The following SHLD1 variants were observed in gnomAD, a reference collection of about 807,000 sequenced individuals.
SHLD1 encodes the protein shieldin complex subunit 1.
SHLD1 carries 3 observed loss-of-function variants against 5.5 expected under a neutral mutation model. That is an observed-to-expected ratio of 0.54 (90% CI 0.25 to 1.40). The LOEUF (loss-of-function observed/expected upper bound fraction) is 1.40. Among genes scored for constraint, SHLD1 ranks in the 40% most tolerant of loss-of-function variants. The pLI is 0.15. For missense variants in SHLD1, 210 were observed against 244.4 expected (o/e 0.86, Z 0.94); for synonymous variants, 92 against 94.3 (o/e 0.98, Z 0.14).
Position 5,790,511 on chromosome 20 carries a change from G to T in SHLD1, c.178+17468G>T, listed in dbSNP as rs539345526. Among the ~76,000 whole-genome samples the T allele has an allele frequency of 2.4e-3, 357 of 147,602 alleles. 3 individuals are homozygous for T. The highest frequency in any genetic ancestry group is 4.0e-3 in the Non-Finnish European group (269 of 67,260). On this transcript the variant is annotated intron_variant, in intron 2 of 2. Coordinates refer to ENST00000303142, the MANE Select transcript of SHLD1 (RefSeq NM_152504.4). The stretch of plus-strand genomic sequence containing the variant: ...TGTTTCACCGAGGCTGGAGTGCAAT[G>T]GTGCGATCTCGGCTCACTGCAAACT...
rs75840593 is a variant in SHLD1, at chr20:5,752,395, C to CA, written c.-5+1930dup. ...TGGATGACAGAGTGAGACTCCATCT[C>CA]AAAAAAAAAAAAAACAAAAAAGAGA... On this transcript the variant is annotated intron_variant, in intron 1 of 2. Coordinates refer to ENST00000303142, the MANE Select transcript of SHLD1 (RefSeq NM_152504.4). Among the ~76,000 whole-genome samples, 398 of 121,520 alleles carry CA rather than the reference C, an allele frequency of 3.3e-3. 1 individual carries two copies. The highest frequency in any genetic ancestry group is 4.7e-3 in the Non-Finnish European group (262 of 55,846). The allele number at this position is 121,520 out of a possible 152,430, so 79.7% of individuals were successfully genotyped here. A position where few individuals can be genotyped will look rare whatever the true frequency, so the allele number is the denominator to read the frequency against.
chr20:5,860,876 T>TAAAAAAAAA (rs10555301), intron 2 of SHLD1, among the ~76,000 whole-genome samples: 3 of 100,788 alleles, frequency 3.0e-5, no homozygotes, highest in Non-Finnish European at 3.8e-5. Context: ...TACTATTCTT[T>TAAAAAAAAA]AAAAAAAAAA....
chr20:5,851,168 C>A (rs2088004060), intron 2 of SHLD1, among the ~76,000 whole-genome samples: 1 of 152,096 alleles, frequency 6.6e-6, no homozygotes, highest in African/African-American at 2.4e-5. Context: ...TTATTGGAAC[C>A]AAAGCTTTCT....
intron 2 of SHLD1, among the ~76,000 whole-genome samples, chr20:5,805,893 G>T (rs772263285): frequency 6.6e-6 from 1 of 152,190 alleles, no homozygotes; most frequent in South Asian, 2.1e-4. Flanking sequence ...GAGCCACTGC[G>T]CCTGGCCTAA....
chr20:5,821,123 TC>T (rs552721462), intron 2 of SHLD1, among the ~76,000 whole-genome samples: 81 of 152,300 alleles, frequency 5.3e-4, no homozygotes, highest in African/African-American at 1.9e-3. Context: ...AATTTATAGA[TC>T]CATCAATGAC....
rs148994855 is a variant in SHLD1, at chr20:5,761,693, C to G, written c.-4-11169C>G. 4.9e-4 allele frequency among the ~76,000 whole-genome samples: 74 copies of G among 151,174 alleles called. No individual in the cohort carries two copies. The East Asian group carries it at 0.013, about 27-fold the overall frequency. On this transcript the variant is annotated intron_variant, in intron 1 of 2. Coordinates refer to ENST00000303142, the MANE Select transcript of SHLD1 (RefSeq NM_152504.4). The stretch of plus-strand genomic sequence containing the variant: ...TGTGATATCGGCTCACTGCAACCTC[C>G]GCTTCCCAGGTTCAAGTGATTCTCC...
intron 2 of SHLD1, among the ~76,000 whole-genome samples, chr20:5,800,682 T>C (rs1264382657): frequency 3.9e-5 from 2 of 51,062 alleles, no homozygotes; most frequent in South Asian, 1.2e-3. Context: ...ACCGAGACTG[T>C]CTCAAAAAAA....
At chr20:5,852,500 C>A (rs965491139) in intron 2 of SHLD1, among the ~76,000 whole-genome samples, 1 of 151,832 alleles carries the variant, frequency 6.6e-6, no homozygotes, top group African/African-American at 2.4e-5. Flanking sequence ...GCCCTGTCAC[C>A]CAGGCTGAAG....
In SHLD1 at chr20:5,816,536, A is replaced by G. The variant is rs112725314; in HGVS notation, c.178+43493A>G. Among the ~76,000 whole-genome samples the G allele has an allele frequency of 6.9e-3, 1,047 of 152,346 alleles. 9 individuals carry two copies. Among genetic ancestry groups the G allele is most frequent in the African/African-American group, 0.024 (1,014 of 41,580 alleles). On this transcript the variant is annotated intron_variant, in intron 2 of 2. Coordinates refer to ENST00000303142, the MANE Select transcript of SHLD1 (RefSeq NM_152504.4). ...TTGTTGAGGGCAATATCTACATTTC[A>G]CAGATGAGGAAACTGAGCTTTGGAA...
chr20:5,794,536 A>T (rs2087184884), intron 2 of SHLD1, among the ~76,000 whole-genome samples: 1 of 152,234 alleles, frequency 6.6e-6, no homozygotes, highest in African/African-American at 2.4e-5. Context: ...ATTTTCTGCT[A>T]ACTTTGGATA....
intron 2 of SHLD1, among the ~76,000 whole-genome samples, chr20:5,854,494 T>G (rs944697238): frequency 2.4e-4 from 37 of 152,240 alleles, no homozygotes; most frequent in African/African-American, 8.9e-4. Flanking sequence ...GAAGCATTCC[T>G]CCTTAAGTTA....
At chr20:5,805,951 A>G (rs2087369181) in intron 2 of SHLD1, among the ~76,000 whole-genome samples, 1 of 152,098 alleles carries the variant, frequency 6.6e-6, no homozygotes, top group African/African-American at 2.4e-5. Flanking sequence ...GGTGACCTCC[A>G]TTTCTCTATT....
chr20:5,776,762 C>G (rs776754605), intron 2 of SHLD1, among the ~76,000 whole-genome samples: 8 of 151,582 alleles, frequency 5.3e-5, no homozygotes, highest in Non-Finnish European at 1.0e-4. Context: ...GACTCCGACT[C>G]AAAAATAATA....
chr20:5,788,359 T>C (rs1770428844), intron 2 of SHLD1, among the ~76,000 whole-genome samples: 1 of 152,202 alleles, frequency 6.6e-6, no homozygotes, highest in South Asian at 2.1e-4. Context: ...TAAAATGCAG[T>C]ATAAATAAGA....
In SHLD1 at chr20:5,846,518, A is replaced by C. The variant is rs75252034; in HGVS notation, c.179-16506A>C. 4.7e-3 allele frequency among the ~76,000 whole-genome samples: 716 copies of C among 152,370 alleles called. 4 individuals carry two copies. The highest frequency in any genetic ancestry group is 0.016 in the African/African-American group (672 of 41,584). ...TTTCTACTCACAAGTGCTGCTTACC[A>C]TCTAGGCAAGGATATGAAACAAATC... On this transcript the variant is annotated intron_variant, in intron 2 of 2. Coordinates refer to ENST00000303142, the MANE Select transcript of SHLD1 (RefSeq NM_152504.4).
intron 2 of SHLD1, among the ~76,000 whole-genome samples, chr20:5,839,526 TGATA>T (rs1172540948): frequency 8.3e-6 from 1 of 120,320 alleles, no homozygotes; most frequent in Non-Finnish European, 1.9e-5. Context: ...GATAGATAGA[TGATA>T]GATAGACAGA....
intron 1 of SHLD1, chr20:5,756,807 T>G (rs944569496): frequency 3.4e-6 from 1 of 292,848 alleles, no homozygotes. Context: ...GTGTTGGGAT[T>G]ACAGGCGTAA....
chr20:5,849,422 G>A (rs2087972453), intron 2 of SHLD1, among the ~76,000 whole-genome samples: 1 of 152,154 alleles, frequency 6.6e-6, no homozygotes, highest in African/African-American at 2.4e-5. Context: ...AATCCGTGGA[G>A]GTTTAGCCAA....
intron 2 of SHLD1, among the ~76,000 whole-genome samples, chr20:5,814,758 G>T (rs1359949597): frequency 6.7e-6 from 1 of 149,354 alleles, no homozygotes; most frequent in Non-Finnish European, 1.5e-5. Flanking sequence ...TGCCTCCCAG[G>T]CTCAAGTGAT....
Sources: gnomAD v4.1 joint callset for allele counts (sites outside exome capture counted in the v4.1 genomes callset) on GRCh38, gnomAD v4.1.1 for gene constraint, MANE v1.5 for transcripts, NCBI Gene and HGNC (gene_info 2026-07-23, HGNC 2026-07-21) for gene names.